Variants in CNBD1 observed in about 807,000 individuals in gnomAD.
CNBD1 encodes cyclic nucleotide binding domain containing 1, also known as cyclic nucleotide-binding domain-containing protein 1.
Under a neutral mutation model 54.4 loss-of-function variants are expected in CNBD1, and 71 were observed. That is an observed-to-expected ratio of 1.30 (90% CI 1.08 to 1.59). The LOEUF is 1.59. Ranked by LOEUF, CNBD1 falls within the 40% of genes most tolerant of loss-of-function variation. The pLI, the probability that CNBD1 is intolerant of heterozygous loss-of-function variation, is 0.00. For synonymous variants in CNBD1, 182 were observed against 170.7 expected (o/e 1.07, Z -0.51); for missense variants, 659 against 518.0 (o/e 1.27, Z -2.64).
intron 2 of CNBD1, among the ~76,000 whole-genome samples, chr8:87,391,342 T>C (rs1389659560): frequency 2.6e-5 from 4 of 152,124 alleles, no homozygotes; most frequent in African/African-American, 7.2e-5. Flanking sequence ...AGCTTGATTA[T>C]TTTCAGAAAG....
chr8:87,092,614 T>C (rs1811241055), intron 4 of CNBD1, among the ~76,000 whole-genome samples: 1 of 151,858 alleles, frequency 6.6e-6, no homozygotes, highest in Admixed American at 6.6e-5. Flanking sequence ...TCTATTTTGC[T>C]GTTCATTTTT....
chr8:86,961,510 C>A (rs529344039), intron 4 of CNBD1, among the ~76,000 whole-genome samples: 2 of 152,208 alleles, frequency 1.3e-5, no homozygotes, highest in Non-Finnish European at 2.9e-5. Flanking sequence ...AGTATTGTAA[C>A]TGTGAGAGAA....
chr8:87,372,430 C>G (rs72668639), intron 10 of CNBD1, among the ~76,000 whole-genome samples: 14,901 of 151,886 alleles, frequency 0.098, 740 homozygotes, highest in African/African-American at 0.11. Context: ...TGGTTCCTCA[C>G]TGGATAAAAA....
At chr8:87,320,490 G>A (rs867934444) in intron 8 of CNBD1, among the ~76,000 whole-genome samples, 10 of 151,954 alleles carry the variant, frequency 6.6e-5, no homozygotes, top group African/African-American at 1.9e-4. Flanking sequence ...TCTGACAGAG[G>A]CAAATTATTT....
intron 8 of CNBD1, among the ~76,000 whole-genome samples, chr8:87,345,134 T>G (rs1810144018): frequency 6.6e-6 from 1 of 152,148 alleles, no homozygotes; most frequent in African/African-American, 2.4e-5. Flanking sequence ...AAAATAGAAT[T>G]TTGATTCAGA....
chr8:87,107,886 T>G (rs1322293452), intron 4 of CNBD1, among the ~76,000 whole-genome samples: 1 of 152,230 alleles, frequency 6.6e-6, no homozygotes, highest in South Asian at 2.1e-4. Flanking sequence ...CTGATCAGTT[T>G]GAATTCCCTT....
chr8:87,039,659 A>C (rs1810023465), intron 4 of CNBD1, among the ~76,000 whole-genome samples: 1 of 152,216 alleles, frequency 6.6e-6, no homozygotes, highest in Admixed American at 6.5e-5. Context: ...TGAGTTATTC[A>C]TGCAGGGCTG....
intron 4 of CNBD1, among the ~76,000 whole-genome samples, chr8:86,991,567 TCTA>T (rs1436889449): frequency 6.6e-6 from 1 of 152,136 alleles, no homozygotes; most frequent in African/African-American, 2.4e-5. Context: ...TTGGAATTGG[TCTA>T]CTATTTTCCC....
intron 4 of CNBD1, among the ~76,000 whole-genome samples, chr8:87,152,882 G>C (rs1364636855): frequency 6.6e-6 from 1 of 152,100 alleles, no homozygotes; most frequent in Non-Finnish European, 1.5e-5. Context: ...TGTTATATTA[G>C]TTTCACCTCC....
intron 6 of CNBD1, among the ~76,000 whole-genome samples, chr8:87,261,856 G>A (rs1808145671): frequency 6.6e-6 from 1 of 151,898 alleles, no homozygotes; most frequent in African/African-American, 2.4e-5. Context: ...TTATTAAAAT[G>A]CAACATAGGC....
At chr8:87,130,583 C>G (rs972890262) in intron 4 of CNBD1, among the ~76,000 whole-genome samples, 1 of 152,044 alleles carries the variant, frequency 6.6e-6, no homozygotes, top group Non-Finnish European at 1.5e-5. Context: ...TCAAGACCAG[C>G]TTGGGCAACA....
chr8:87,264,584 A>G (rs1255421854), intron 6 of CNBD1, among the ~76,000 whole-genome samples: 1 of 152,194 alleles, frequency 6.6e-6, no homozygotes, highest in Non-Finnish European at 1.5e-5. Flanking sequence ...ACTGTCTTCC[A>G]CAATGGTTGA....
At chr8:87,276,278 G>A (rs76980282) in intron 6 of CNBD1, among the ~76,000 whole-genome samples, 2 of 151,702 alleles carry the variant, frequency 1.3e-5, no homozygotes, top group African/African-American at 4.8e-5. Flanking sequence ...CTGTCATCTT[G>A]ATCCTTCTTT....
chr8:87,133,328 C>T (rs981356773), intron 4 of CNBD1, among the ~76,000 whole-genome samples: 2 of 152,128 alleles, frequency 1.3e-5, no homozygotes, highest in Admixed American at 1.3e-4. Context: ...GTATCCTCAA[C>T]ATTGTGAAGT....
intron 4 of CNBD1, among the ~76,000 whole-genome samples, chr8:87,115,876 C>G (rs926219735): frequency 1.3e-5 from 2 of 152,188 alleles, no homozygotes; most frequent in Non-Finnish European, 2.9e-5. Flanking sequence ...CGTTTACCTT[C>G]TCACTGTGCA....
At chr8:87,134,625 T>C (rs1812189014) in intron 4 of CNBD1, among the ~76,000 whole-genome samples, 1 of 131,478 alleles carries the variant, frequency 7.6e-6, no homozygotes, top group Non-Finnish European at 1.6e-5. Flanking sequence ...TTTTTTGAGA[T>C]GGAGTCTCGC....
At chr8:86,956,284 T>C (rs1223253014) in intron 4 of CNBD1, among the ~76,000 whole-genome samples, 1 of 152,158 alleles carries the variant, frequency 6.6e-6, no homozygotes, top group East Asian at 1.9e-4. Flanking sequence ...AGCTTTGTTC[T>C]TTTGGCTTAG....
chr8:86,943,220 A>C (rs1807378476), intron 4 of CNBD1, among the ~76,000 whole-genome samples: 1 of 151,992 alleles, frequency 6.6e-6, no homozygotes, highest in African/African-American at 2.4e-5. Flanking sequence ...ATCTCTATTA[A>C]AAATACAAAA....
intron 4 of CNBD1, among the ~76,000 whole-genome samples, chr8:87,140,340 G>T (rs1350974445): frequency 6.6e-6 from 1 of 152,018 alleles, no homozygotes; most frequent in Non-Finnish European, 1.5e-5. Flanking sequence ...TGCAGAGATA[G>T]GTTATAGATT....
Sources: gnomAD v4.1 joint callset for allele counts (sites outside exome capture counted in the v4.1 genomes callset) on GRCh38, gnomAD v4.1.1 for gene constraint, MANE v1.5 for transcripts, NCBI Gene and HGNC (gene_info 2026-07-23, HGNC 2026-07-21) for gene names.